Variants in SLC38A12 observed in about 807,000 individuals in gnomAD.
SLC38A12 encodes the protein solute carrier family 38 member 12.
chr17:74,838,038 C>G, the SLC38A12 span: 26 of 985,754 alleles, frequency 2.6e-5, no homozygotes, highest in Non-Finnish European at 2.5e-5. Flanking sequence ...GACAGAGCGA[C>G]GATGTAGGGT....
At chr17:74,779,883 A>C in the SLC38A12 span, among the ~76,000 whole-genome samples, 528 of 152,300 alleles carry the variant, frequency 3.5e-3, 2 homozygotes, top group African/African-American at 0.012. Flanking sequence ...TATTTGTAAC[A>C]AGCAGACGAA....
At chr17:74,838,154 G>A in the SLC38A12 span, 1 of 985,742 alleles carries the variant, frequency 1.0e-6, no homozygotes, top group Non-Finnish European at 1.2e-6. Flanking sequence ...GCCTGGGAGA[G>A]TCCCTGCGTG....
chr17:74,832,544 C>A, the SLC38A12 span, among the ~76,000 whole-genome samples: 10 of 152,364 alleles, frequency 6.6e-5, no homozygotes, highest in South Asian at 2.1e-4. Context: ...GGCGGCCTCT[C>A]CCCCTCCTGG....
At chr17:74,815,181 T>G in the SLC38A12 span, among the ~76,000 whole-genome samples, 1 of 152,136 alleles carries the variant, frequency 6.6e-6, no homozygotes, top group Non-Finnish European at 1.5e-5. Context: ...CCTGCACCAG[T>G]GACCTTGCAG....
the SLC38A12 span, among the ~76,000 whole-genome samples, chr17:74,835,480 C>T: frequency 6.6e-6 from 1 of 152,184 alleles, no homozygotes; most frequent in African/African-American, 2.4e-5. Context: ...TCCAGCCTCA[C>T]ATTCCTTAAA....
the SLC38A12 span, among the ~76,000 whole-genome samples, chr17:74,792,018 C>T: frequency 2.0e-5 from 3 of 151,842 alleles, no homozygotes; most frequent in South Asian, 6.2e-4. Flanking sequence ...TGGTGGCAGG[C>T]GCCTGTAGTC....
chr17:74,826,122 T>G, the SLC38A12 span, among the ~76,000 whole-genome samples: 2 of 152,310 alleles, frequency 1.3e-5, no homozygotes, highest in East Asian at 3.9e-4. Flanking sequence ...TCCCAATGAT[T>G]GCACACTGAG....
the SLC38A12 span, chr17:74,837,059 A>T: frequency 1.9e-6 from 2 of 1,037,698 alleles, no homozygotes; most frequent in Non-Finnish European, 2.3e-6. Context: ...CACTGCCATC[A>T]TTTGTCCCAG....
the SLC38A12 span, among the ~76,000 whole-genome samples, chr17:74,819,369 C>A: frequency 7.2e-5 from 11 of 152,218 alleles, no homozygotes; most frequent in South Asian, 1.7e-3. Flanking sequence ...CTTTTGGATC[C>A]TTTTTGCCAT....
chr17:74,827,665 G>A, the SLC38A12 span, among the ~76,000 whole-genome samples: 3 of 152,206 alleles, frequency 2.0e-5, no homozygotes, highest in Non-Finnish European at 2.9e-5. The surrounding 1 kb of genome is among the most constrained non-coding windows in gnomAD (Gnocchi z 4.7). Context: ...AGATTCAGGA[G>A]CTGTGCCCAG....
chr17:74,834,316 G>A, the SLC38A12 span, among the ~76,000 whole-genome samples: 3 of 152,152 alleles, frequency 2.0e-5, no homozygotes, highest in South Asian at 6.2e-4. Flanking sequence ...GGGGGAGGAG[G>A]AGTCCCCAGG....
chr17:74,837,479 A>G, the SLC38A12 span: 9 of 985,476 alleles, frequency 9.1e-6, no homozygotes, highest in African/African-American at 8.7e-5. Flanking sequence ...AGGGCCTCCT[A>G]CAGTGCAGGT....
At chr17:74,839,320 G>A in the SLC38A12 span, 7 of 783,736 alleles carry the variant, frequency 8.9e-6, no homozygotes, top group Non-Finnish European at 1.4e-5. Flanking sequence ...CAGAGTCAGA[G>A]TGGTGGGGAG....
chr17:74,797,593 C>A, the SLC38A12 span, among the ~76,000 whole-genome samples: 1 of 152,188 alleles, frequency 6.6e-6, no homozygotes, highest in Non-Finnish European at 1.5e-5. Context: ...TGGGCCTTGG[C>A]ATTGTCTCAG....
the SLC38A12 span, among the ~76,000 whole-genome samples, chr17:74,809,347 A>T: frequency 2.0e-5 from 3 of 152,100 alleles, no homozygotes; most frequent in Non-Finnish European, 2.9e-5. Flanking sequence ...TGCCTTCCAG[A>T]CGCCTCTGGT....
the SLC38A12 span, chr17:74,785,390 A>G: frequency 4.6e-6 from 7 of 1,536,156 alleles, no homozygotes; most frequent in African/African-American, 4.1e-5. Flanking sequence ...TGGCCTCCAC[A>G]GTGGTGCCAT....
the SLC38A12 span, among the ~76,000 whole-genome samples, chr17:74,780,548 C>T: frequency 6.6e-6 from 1 of 152,196 alleles, no homozygotes; most frequent in Non-Finnish European, 1.5e-5. Flanking sequence ...AACTGTCCCA[C>T]GACCAGCAGA....
At chr17:74,786,878 C>T in the SLC38A12 span, among the ~76,000 whole-genome samples, 1 of 152,118 alleles carries the variant, frequency 6.6e-6, no homozygotes, top group Non-Finnish European at 1.5e-5. Flanking sequence ...TTTAAAGGAC[C>T]TTCAGCACAG....
At chr17:74,831,578 C>A in the SLC38A12 span, among the ~76,000 whole-genome samples, 2 of 152,202 alleles carry the variant, frequency 1.3e-5, no homozygotes, top group South Asian at 4.1e-4. Flanking sequence ...TGCCTCCTCC[C>A]AGCTTCTCAC....
Sources: allele counts gnomAD v4.1 joint callset (sites outside exome capture counted in the v4.1 genomes callset), GRCh38; gene constraint gnomAD v4.1.1; non-coding constraint Gnocchi (gnomAD v3.1); transcripts MANE v1.5; gene names NCBI Gene and HGNC (gene_info 2026-07-23, HGNC 2026-07-21).